Variants in GFRA1 observed in about 807,000 individuals in gnomAD.
GFRA1 encodes the protein GDNF family receptor alpha-1.
Under a neutral mutation model 51.6 loss-of-function variants are expected in GFRA1, and 16 were observed. The observed-to-expected ratio is 0.31, with a 90% CI of 0.21 to 0.47. The LOEUF (loss-of-function observed/expected upper bound fraction) is 0.47, where lower values mean the gene tolerates loss of function less well. Ranked by LOEUF, GFRA1 falls within the 20% of genes least tolerant of loss-of-function variation. The pLI is 1.00. For synonymous variants in GFRA1, 270 were observed against 241.3 expected (o/e 1.12, Z -1.10); for missense variants, 530 against 594.3 (o/e 0.89, Z 1.13).
intron 5 of GFRA1, among the ~76,000 whole-genome samples, chr10:116,188,853 T>C (rs1229469301): frequency 6.7e-6 from 1 of 148,420 alleles, no homozygotes; most frequent in African/African-American, 2.5e-5. Flanking sequence ...TGAGCTAAGA[T>C]AGTGCCACTG....
intron 4 of GFRA1, among the ~76,000 whole-genome samples, chr10:116,231,359 G>T (rs980261132): frequency 1.3e-5 from 2 of 152,082 alleles, no homozygotes; most frequent in African/African-American, 4.8e-5. Flanking sequence ...TACATGATAA[G>T]GTTAAACTAA....
At chr10:116,199,548 T>C (rs899065328) in intron 5 of GFRA1, among the ~76,000 whole-genome samples, 14 of 152,364 alleles carry the variant, frequency 9.2e-5, no homozygotes, top group Admixed American at 7.8e-4. Context: ...AAATCTATAC[T>C]TGCTTTACCA....
chr10:116,169,805 T>C (rs1350217163), intron 5 of GFRA1, among the ~76,000 whole-genome samples: 1 of 152,132 alleles, frequency 6.6e-6, no homozygotes, highest in Non-Finnish European at 1.5e-5. Context: ...AGGACCCAGG[T>C]GCGGGTGCAA....
intron 4 of GFRA1, among the ~76,000 whole-genome samples, chr10:116,226,042 T>C (rs1459544377): frequency 2.0e-5 from 3 of 152,234 alleles, no homozygotes; most frequent in African/African-American, 7.2e-5. Context: ...CTTTCAGATC[T>C]AGTACTGATC....
At chr10:116,188,504 A>G (rs555859794) in intron 5 of GFRA1, among the ~76,000 whole-genome samples, 1 of 152,310 alleles carries the variant, frequency 6.6e-6, no homozygotes, top group Admixed American at 6.5e-5. Flanking sequence ...ATAGAGTTTC[A>G]GTTTGGGATG....
intron 9 of GFRA1, among the ~76,000 whole-genome samples, chr10:116,080,539 A>T (rs1475328918): frequency 1.3e-5 from 2 of 152,260 alleles, no homozygotes; most frequent in African/African-American, 2.4e-5. Flanking sequence ...GTGCATCTCT[A>T]GAATTAAAAT....
At chr10:116,083,261 C>T (rs931682389) in intron 9 of GFRA1, among the ~76,000 whole-genome samples, 8 of 152,174 alleles carry the variant, frequency 5.3e-5, no homozygotes, top group African/African-American at 1.9e-4. Context: ...GGGGGTGAAC[C>T]CCCTTCCCGG....
At chr10:116,257,629 G>A (rs77065565) in intron 4 of GFRA1, among the ~76,000 whole-genome samples, 1,957 of 152,256 alleles carry the variant, frequency 0.013, 92 homozygotes, top group East Asian at 0.09. Flanking sequence ...TTCTCTGGTC[G>A]AGAAGCATCC....
intron 5 of GFRA1, among the ~76,000 whole-genome samples, chr10:116,144,573 G>A (rs1018571237): frequency 6.6e-6 from 1 of 151,970 alleles, no homozygotes; most frequent in Admixed American, 6.6e-5. Flanking sequence ...CTATATGTAT[G>A]AATTGACAAA....
chr10:116,170,119 T>C (rs1164771082), intron 5 of GFRA1, among the ~76,000 whole-genome samples: 1 of 152,178 alleles, frequency 6.6e-6, no homozygotes, highest in Non-Finnish European at 1.5e-5. Context: ...AAGGGAACTC[T>C]CCTGTCTCAA....
In GFRA1 at chr10:116,272,720, G is replaced by C. The variant is rs897056066; in HGVS notation, c.-247+443C>G. ...CAGCCAGCGAGCTCGCTCAGCCGCC[G>C]GCCCTCCCCACTCCGATCGCCAATC... On this transcript the variant is annotated intron_variant, in intron 1 of 10. Transcript: ENST00000355422. This position sits in a 1 kb window ranked among gnomAD's most constrained non-coding sequence, Gnocchi z 4.4. 2 of 152,844 alleles carry C rather than the reference G, an allele frequency of 1.3e-5. No individual in the cohort carries two copies. Among genetic ancestry groups the C allele is most frequent in the African/African-American group, 2.4e-5 (1 of 41,516 alleles). The allele number at this position is 152,844 out of a possible 1,614,324, so 9.5% of individuals were successfully genotyped here.
intron 9 of GFRA1, among the ~76,000 whole-genome samples, chr10:116,069,872 G>T (rs1014884166): frequency 6.6e-6 from 1 of 152,186 alleles, no homozygotes; most frequent in Admixed American, 6.5e-5. Context: ...TCAGGCTTGC[G>T]AGCAGCATGC....
intron 4 of GFRA1, among the ~76,000 whole-genome samples, chr10:116,239,798 C>G (rs184962595): frequency 2.6e-5 from 4 of 152,256 alleles, no homozygotes; most frequent in African/African-American, 7.2e-5. Flanking sequence ...AAAAATTTAA[C>G]AACAAAAACC....
intron 5 of GFRA1, among the ~76,000 whole-genome samples, chr10:116,161,230 A>G (rs1177691121): frequency 6.6e-6 from 1 of 152,160 alleles, no homozygotes; most frequent in Non-Finnish European, 1.5e-5. Flanking sequence ...CTGAAACTCT[A>G]GACTTTCTCC....
At chr10:116,156,587 A>T (rs1456360624) in intron 5 of GFRA1, among the ~76,000 whole-genome samples, 1 of 152,246 alleles carries the variant, frequency 6.6e-6, no homozygotes, top group African/African-American at 2.4e-5. Context: ...CAGTGATAAA[A>T]CAAACACCTC....
rs935606348 is a variant in GFRA1 at position 116,091,584 on chromosome 10, A to T, written c.1016-1662T>A. ...TCTTCCCCATGCATCTGTCATGCAC[A>T]TGGCTTAAAAACAACTGTTTCCTCC... On this transcript the variant is annotated intron_variant, in intron 8 of 10. Transcript: ENST00000355422. Among the ~76,000 whole-genome samples the T allele has an allele frequency of 3.3e-5, 5 of 152,208 alleles. 1 individual carries two copies. In the South Asian group the frequency reaches 1.0e-3, roughly 32 times the overall value.
intron 5 of GFRA1, among the ~76,000 whole-genome samples, chr10:116,167,366 A>C (rs1565623412): frequency 2.6e-5 from 4 of 151,582 alleles, no homozygotes; most frequent in African/African-American, 9.7e-5. Flanking sequence ...CCTTGGAACA[A>C]CTCTAACACG....
At chr10:116,205,131 T>C (rs2134408256) in intron 5 of GFRA1, among the ~76,000 whole-genome samples, 1 of 152,372 alleles carries the variant, frequency 6.6e-6, no homozygotes, top group South Asian at 2.1e-4. Flanking sequence ...CATCATTTAA[T>C]GCTGTCATTG....
At chr10:116,104,079 G>A (rs1956917669) in intron 6 of GFRA1, among the ~76,000 whole-genome samples, 1 of 152,158 alleles carries the variant, frequency 6.6e-6, no homozygotes, top group South Asian at 2.1e-4. Flanking sequence ...AGGTGCAGAT[G>A]CGCAAAGCTC....
Sources: allele counts gnomAD v4.1 joint callset (sites outside exome capture counted in the v4.1 genomes callset), GRCh38; gene constraint gnomAD v4.1.1; non-coding constraint Gnocchi (gnomAD v3.1); transcripts MANE v1.5; gene names NCBI Gene and HGNC (gene_info 2026-07-23, HGNC 2026-07-21).